JPH4: variants seen among roughly 807,000 people sequenced by gnomAD.
The protein encoded by JPH4 is junctophilin 4, also known as junctophilin-4.
In JPH4, 18 loss-of-function variants were observed where a neutral mutation model predicts 57.6. The observed-to-expected ratio is 0.31, with a 90% CI of 0.22 to 0.46. The LOEUF is 0.46. Among genes scored for constraint, JPH4 ranks in the 20% least tolerant of loss-of-function variants. JPH4 has a pLI of 1.00. For synonymous variants in JPH4, 425 were observed against 406.6 expected, an observed-to-expected ratio of 1.05 and a Z score of -0.54; for missense variants, 727 against 911.1, an observed-to-expected ratio of 0.80 and a Z score of 2.60.
Position 23,577,174 on chromosome 14 carries a change from G to T in JPH4, c.280C>A (p.Arg94Ser). ...RGEWLGGLKG[R>S]SGVWESVSGL... ...GACACGCTTTCCCACACGCCGCTGC[G>T]CCCCTTCAGCCCGCCCAGCCACTCG... Residue 94 changes from arginine to serine, a missense_variant, in exon 2 of 6, where the codon CGC (arginine) becomes AGC (serine). This residue lies in a region of JPH4 where 90 missense variants were observed against 88.1 expected (regional missense o/e 1.02). Coordinates refer to ENST00000356300, the MANE Select transcript of JPH4 (RefSeq NM_001146028.2). The surrounding 1 kb of genome is among the most constrained non-coding windows in gnomAD (Gnocchi z 8.4). 2 of 1,535,768 alleles carry T rather than the reference G, an allele frequency of 1.3e-6. No individual in the cohort carries two copies.
At position 23,576,967 on chromosome 14, in the gene JPH4, C is replaced by A. The variant is rs1262167923; in HGVS notation, c.379+108G>T. The A allele has an allele frequency of 7.9e-7, 1 of 1,268,492 alleles. No individual in the cohort carries two copies. The highest frequency in any genetic ancestry group is 1.6e-5 in the African/African-American group (1 of 60,698). 78.6% of individuals were successfully genotyped at this position (1,268,492 alleles called of 1,614,324 possible). ...GGGTCACATCGATGGGGAATGGTGG[C>A]GGGGGAAAGAAGGATGGGCGCAAGG... On this transcript the variant is annotated intron_variant, in intron 2 of 5. Coordinates refer to ENST00000356300, the MANE Select transcript of JPH4 (RefSeq NM_001146028.2). This position sits in a 1 kb window ranked among gnomAD's most constrained non-coding sequence, Gnocchi z 8.0.
chr14:23,572,807 G>A (rs1412664183), intron 3 of JPH4: 3 of 696,260 alleles, frequency 4.3e-6, no homozygotes, highest in Admixed American at 4.1e-5. Flanking sequence ...TAAACCCTTA[G>A]TCTCCCTTCC....
Position 23,568,776 on chromosome 14 carries a change from A to C in JPH4, c.*858T>G. On this transcript the variant is annotated 3_prime_UTR_variant, in exon 6 of 6. Coordinates refer to ENST00000356300, the MANE Select transcript of JPH4 (RefSeq NM_001146028.2). ...CTTAGGAATTTAATCAAAGGCCACA[A>C]GTGAGTCCAGACCAACCAAATAAAC... 2.0e-6 allele frequency: 2 copies of C among 985,774 alleles called. No individual in the cohort carries two copies. Among genetic ancestry groups the C allele is most frequent in the Non-Finnish European group, 2.4e-6 (2 of 829,980 alleles). The allele number at this position is 985,774 out of a possible 1,614,324, so 61.1% of individuals were successfully genotyped here.
Position 23,576,387 on chromosome 14 carries a change from T to C in JPH4, c.449A>G (p.His150Arg). The change falls in exon 3 of 6, where the codon CAT (histidine) becomes CGT (arginine). Residue 150 changes from histidine to arginine, a missense_variant. By Grantham distance (29) the His-to-Arg change is conservative (BLOSUM62 0). Transcript: ENST00000356300. This position sits in a 1 kb window ranked among gnomAD's most constrained non-coding sequence, Gnocchi z 8.0. Reference protein sequence around the residue: ...GYGVRQSVPYHQAALLRSPRR... With the variant: ...GYGVRQSVPYRQAALLRSPRR... Reference sequence around the variant, plus strand: ...GGGCGAGCGCAGCAGCGCCGCCTGATGGTAGGGCACACTCTGGCGTACCCC... The same window carrying C: ...GGGCGAGCGCAGCAGCGCCGCCTGACGGTAGGGCACACTCTGGCGTACCCC... The C allele has an allele frequency of 7.2e-7, 1 of 1,386,722 alleles. No individual in the cohort carries two copies. Among genetic ancestry groups the C allele is most frequent in the Non-Finnish European group, 9.3e-7 (1 of 1,075,630 alleles). The allele number at this position is 1,386,722 out of a possible 1,614,324, so 85.9% of individuals were successfully genotyped here. A position where few individuals can be genotyped will look rare whatever the true frequency, so the allele number is the denominator to read the frequency against.
rs1395180163 is a variant in JPH4, at chr14:23,578,650, G to A, written c.-642C>T. The A allele has an allele frequency of 2.0e-5, 3 of 151,782 alleles. No homozygotes were observed. Among genetic ancestry groups the A allele is most frequent in the African/African-American group, 4.9e-5 (2 of 41,180 alleles). The allele number at this position is 151,782 out of a possible 1,614,324, so 9.4% of individuals were successfully genotyped here. A position where few individuals can be genotyped will look rare whatever the true frequency, so the allele number is the denominator to read the frequency against. On this transcript the variant is annotated 5_prime_UTR_variant, in exon 1 of 6. Transcript: ENST00000356300. ...GGCAGGGAGAAGAGAAGAGAGAAGA[G>A]GGTGGGTAGAGAAGGATACGGTGAA...
chr14:23,576,453 G>A lies in JPH4; in HGVS notation c.383C>T (p.Thr128Ile). The stretch of plus-strand genomic sequence containing the variant: ...CCCGGCCTGCCACTGGCCCTGGTAG[G>A]TGCCTGCGGGCGGCGGAGGGGTGGG... ...YGTETYSDGG[T>I]YQGQWQAGKR... The change falls in exon 3 of 6, where the codon ACC (threonine) becomes ATC (isoleucine). Residue 128 changes from threonine to isoleucine, a missense_variant. Physicochemically the swap from Thr to Ile is moderately conservative, Grantham distance 89. Around this residue, in one of 7 missense-constraint regions of JPH4, gnomAD observed 90 missense variants for 88.1 expected, o/e 1.02. Transcript: ENST00000356300. This position sits in a 1 kb window ranked among gnomAD's most constrained non-coding sequence, Gnocchi z 8.0. 1.4e-6 allele frequency: 2 copies of A among 1,417,518 alleles called. No individual in the cohort carries two copies. The highest frequency in any genetic ancestry group is 2.9e-5 in the East Asian group (1 of 34,518). 87.8% of individuals were successfully genotyped at this position (1,417,518 alleles called of 1,614,324 possible).
intron 5 of JPH4, 118 bp downstream of exon 5, chr14:23,570,810 G>T: frequency 2.8e-6 from 3 of 1,079,096 alleles, no homozygotes; most frequent in Non-Finnish European, 3.7e-6. Context: ...TCCAAGACTG[G>T]CCAGGCAGAG....
In JPH4 at chr14:23,577,196, C is replaced by T; in HGVS notation, c.258G>A (p.Glu86=). Residue 86 remains glutamate (E), a synonymous_variant, in exon 2 of 6, where the codon GAG becomes GAA. Coordinates refer to ENST00000356300, the MANE Select transcript of JPH4 (RefSeq NM_001146028.2). The surrounding 1 kb of genome is among the most constrained non-coding windows in gnomAD (Gnocchi z 8.4). ...TGCGCCCCTTCAGCCCGCCCAGCCA[C>T]TCGCCGCGGTACGTCCAGCGGCTCT... ...ERKSRWTYRG[E]WLGGLKGRSG... is the part of the protein sequence containing the mutation. 2.0e-6 allele frequency: 3 copies of T among 1,537,154 alleles called. No individual in the cohort carries two copies. In the Admixed American group the frequency reaches 5.9e-5, roughly 30 times the overall value.
rs1447124594 is a variant in JPH4, at chr14:23,575,978, C to T, written c.858G>A (p.Trp286Ter). ...GSATEVYAGE[W>*]RADRRSGFGV... ...CGAAGCCGCTGCGCCGATCTGCGCGCCACTCGCCCGCGTACACCTCTGTGG... is the reference window on the plus strand; with the variant it reads ...CGAAGCCGCTGCGCCGATCTGCGCGTCACTCGCCCGCGTACACCTCTGTGG... The change falls in exon 3 of 6, where the codon TGG (tryptophan) becomes TGA (stop). Residue 286 changes from tryptophan to a stop codon, truncating the protein, a stop_gained. Coordinates refer to ENST00000356300, the MANE Select transcript of JPH4 (RefSeq NM_001146028.2). LOFTEE classifies it high-confidence loss of function. This position sits in a 1 kb window ranked among gnomAD's most constrained non-coding sequence, Gnocchi z 6.9. The T allele has an allele frequency of 6.6e-7, 1 of 1,521,228 alleles. No individual in the cohort carries two copies. Among genetic ancestry groups the T allele is most frequent in the Non-Finnish European group, 8.7e-7 (1 of 1,145,302 alleles). 94.2% of individuals were successfully genotyped at this position (1,521,228 alleles called of 1,614,324 possible).
rs966262029 is a variant in JPH4, at chr14:23,577,590, G to A, written c.-137C>T. The A allele has an allele frequency of 3.8e-5, 25 of 654,588 alleles. No homozygotes were observed. The highest frequency in any genetic ancestry group is 5.3e-5 in the Non-Finnish European group (23 of 431,864). The allele number at this position is 654,588 out of a possible 1,614,324, so 40.5% of individuals were successfully genotyped here. A position where few individuals can be genotyped will look rare whatever the true frequency, so the allele number is the denominator to read the frequency against. Reference sequence around the variant, plus strand: ...CGGGGCCGGGCGGGGGGGCCCCAGCGAGGGCAGGCAGGGCCGGACCCTCAT... The same window carrying A: ...CGGGGCCGGGCGGGGGGGCCCCAGCAAGGGCAGGCAGGGCCGGACCCTCAT... On this transcript the variant is annotated 5_prime_UTR_variant, in exon 2 of 6. Transcript: ENST00000356300. The surrounding 1 kb of genome is among the most constrained non-coding windows in gnomAD (Gnocchi z 8.4).
chr14:23,570,402 C>G (rs1430767311), intron 5 of JPH4, among the ~76,000 whole-genome samples: 1 of 139,636 alleles, frequency 7.2e-6, no homozygotes, highest in African/African-American at 2.7e-5. Flanking sequence ...GACAGAGTCT[C>G]GCTCTGTCAC....
chr14:23,569,523 G>T lies in JPH4; in HGVS notation c.*111C>A. 1 of 741,896 alleles carries T rather than the reference G, an allele frequency of 1.3e-6. No homozygotes were observed. Among genetic ancestry groups the T allele is most frequent in the Non-Finnish European group, 2.4e-6 (1 of 418,656 alleles). 46.0% of individuals were successfully genotyped at this position (741,896 alleles called of 1,614,324 possible). On this transcript the variant is annotated 3_prime_UTR_variant, in exon 6 of 6. Transcript: ENST00000356300. This position sits in a 1 kb window ranked among gnomAD's most constrained non-coding sequence, Gnocchi z 4.8. ...AGGAGCACAGAAAAGAAAGGAAGAA[G>T]AGAAAGAAAGATAGGAGAAAACACA...
chr14:23,571,078 C>A lies in JPH4; in HGVS notation c.1653G>T (p.Glu551Asp). ...SLREEEGEDE[E>D]PLPPLRAPAG... ...CTGGGGCCCTCAGCGGGGGCAGGGG[C>A]TCTTCATCCTCCCCCTCCTCCTCTC... is the stretch of plus-strand genomic sequence containing the variant. The change falls in exon 5 of 6, where the codon GAG becomes GAT. Residue 551 changes from glutamate (E) to aspartate (D), a missense_variant. Physicochemically the swap from Glu to Asp is conservative, Grantham distance 45. Around this residue, in one of 7 missense-constraint regions of JPH4, gnomAD observed 293 missense variants for 279.8 expected, o/e 1.05. Transcript: ENST00000356300. The surrounding 1 kb of genome is among the most constrained non-coding windows in gnomAD (Gnocchi z 4.6). 2 of 1,613,038 alleles carry A rather than the reference C, an allele frequency of 1.2e-6. No homozygotes were observed. Among genetic ancestry groups the A allele is most frequent in the South Asian group, 2.2e-5 (2 of 90,928 alleles).
At chr14:23,572,113 T>A (rs1337999742) in intron 3 of JPH4, among the ~76,000 whole-genome samples, 193 bp from the exon 4 acceptor site, 1 of 152,038 alleles carries the variant, frequency 6.6e-6, no homozygotes, top group Middle Eastern at 3.2e-3. Context: ...TTTGGTTTCC[T>A]CCCCCTGACC....
rs1003980808 is a variant in JPH4 at position 23,577,575 on chromosome 14, CG to C, written c.-123del. ...CGGGGGCAGTTAGACCGGGGCCGGG[CG>C]GGGGGGCCCCAGCGAGGGCAGGCAG... On this transcript the variant is annotated 5_prime_UTR_variant, in exon 2 of 6. The change creates a premature stop within an existing upstream ORF in the 5' untranslated region. Coordinates refer to ENST00000356300, the MANE Select transcript of JPH4 (RefSeq NM_001146028.2). The surrounding 1 kb of genome is among the most constrained non-coding windows in gnomAD (Gnocchi z 8.4). 6.2e-5 allele frequency: 44 copies of C among 710,778 alleles called. No homozygotes were observed. Among genetic ancestry groups the C allele is most frequent in the South Asian group, 1.5e-4 (5 of 32,724 alleles). The allele number at this position is 710,778 out of a possible 1,614,324, so 44.0% of individuals were successfully genotyped here.
intron 5 of JPH4, among the ~76,000 whole-genome samples, chr14:23,570,028 A>T (rs145197897): frequency 6.6e-6 from 1 of 152,178 alleles, no homozygotes; most frequent in East Asian, 1.9e-4. Context: ...AGCAGCCAGT[A>T]CTGCAGTAAG....
chr14:23,577,190 C>T lies in JPH4; in HGVS notation c.264G>A (p.Leu88=), dbSNP rs1302576816. ...KSRWTYRGEW[L]GGLKGRSGVW... ...CGCCGCTGCGCCCCTTCAGCCCGCCCAGCCACTCGCCGCGGTACGTCCAGC... is the reference window on the plus strand; with the variant it reads ...CGCCGCTGCGCCCCTTCAGCCCGCCTAGCCACTCGCCGCGGTACGTCCAGC... Residue 88 remains leucine, a synonymous_variant, in exon 2 of 6, where the codon CTG becomes CTA. Coordinates refer to ENST00000356300, the MANE Select transcript of JPH4 (RefSeq NM_001146028.2). The surrounding 1 kb of genome is among the most constrained non-coding windows in gnomAD (Gnocchi z 8.4). 2.5e-5 allele frequency: 39 copies of T among 1,536,788 alleles called. No individual in the cohort carries two copies. Among genetic ancestry groups the T allele is most frequent in the Non-Finnish European group, 3.2e-5 (37 of 1,146,486 alleles).
chr14:23,573,052 T>A (rs1051338489), intron 3 of JPH4: 1 of 669,288 alleles, frequency 1.5e-6, no homozygotes, highest in Non-Finnish European at 2.7e-6. Flanking sequence ...CGAGCTGCCA[T>A]GGGCTTGAAT....
rs768156297 is a variant in JPH4 at position 23,571,958 on chromosome 14, C to T, written c.1152-38G>A. ...GAGACAGGGATTTAGCAGAACTTCC[C>T]CCACTTCAAGTTAGTCCCTGCTCAG... On this transcript the variant is annotated intron_variant, in intron 3 of 5. Transcript: ENST00000356300. The surrounding 1 kb of genome is among the most constrained non-coding windows in gnomAD (Gnocchi z 4.6). The T allele has an allele frequency of 5.7e-6, 9 of 1,585,758 alleles. No individual in the cohort carries two copies. Among genetic ancestry groups the T allele is most frequent in the Non-Finnish European group, 6.9e-6 (8 of 1,161,720 alleles).
Sources: gnomAD v4.1 joint callset for allele counts (sites outside exome capture counted in the v4.1 genomes callset) on GRCh38, gnomAD v4.1.1 for gene constraint, gnomAD v4.1.1 regional missense constraint, Gnocchi (gnomAD v3.1) non-coding constraint, MANE v1.5 for transcripts, NCBI Gene and HGNC (gene_info 2026-07-23, HGNC 2026-07-21) for gene names.